SPSB4: variants seen among roughly 807,000 people sequenced by gnomAD.
SPSB4 encodes the protein splA/ryanodine receptor domain and SOCS box containing 4.
Under a neutral mutation model 20.9 loss-of-function variants are expected in SPSB4, and 21 were observed. The ratio of observed to expected loss-of-function variants is 1.01; its 90% confidence interval spans 0.71 to 1.45. The LOEUF (loss-of-function observed/expected upper bound fraction) is 1.45. Ranked by LOEUF, SPSB4 falls within the 40% of genes most tolerant of loss-of-function variation. SPSB4 has a pLI of 0.00. For missense variants in SPSB4, 399 were observed against 399.2 expected (o/e 1.00, Z 0.00); for synonymous variants, 207 against 183.8 (o/e 1.13, Z -1.02).
chr3:141,121,232 TA>T (rs1468220544), intron 2 of SPSB4, among the ~76,000 whole-genome samples: 1 of 152,234 alleles, frequency 6.6e-6, no homozygotes, highest in African/African-American at 2.4e-5. Context: ...GAATGTTGAA[TA>T]TTGCCCCTCA....
chr3:141,148,038 C>CTAT lies in SPSB4; in HGVS notation c.*769_*770insTAT, dbSNP rs1939446649. 6.6e-6 allele frequency: 1 copy of CTAT among 152,584 alleles called. No homozygotes were observed. The highest frequency in any genetic ancestry group is 1.5e-5 in the Non-Finnish European group (1 of 68,086). 9.5% of individuals were successfully genotyped at this position (152,584 alleles called of 1,614,324 possible). ...TTACCATTATTTTAAGTAGCATTTG[C>CTAT]ATTTTAAAAGAGGAATGCGGAGAGG... On this transcript the variant is annotated 3_prime_UTR_variant, in exon 3 of 3. Coordinates refer to ENST00000310546, the MANE Select transcript of SPSB4 (RefSeq NM_080862.3). This position sits in a 1 kb window ranked among gnomAD's most constrained non-coding sequence, Gnocchi z 4.5.
At chr3:141,088,124 C>T (rs1291342054) in intron 2 of SPSB4, among the ~76,000 whole-genome samples, 1 of 152,044 alleles carries the variant, frequency 6.6e-6, no homozygotes, top group Non-Finnish European at 1.5e-5. Context: ...CCTGAAACTC[C>T]GTCCCCCAGG....
intron 2 of SPSB4, among the ~76,000 whole-genome samples, chr3:141,085,066 G>GGCTCAAGGATGGGTT (rs1483989651): frequency 6.6e-6 from 1 of 152,188 alleles, no homozygotes; most frequent in African/African-American, 2.4e-5. Flanking sequence ...GCCGAGTCTT[G>GGCTCAAGGATGGGTT]GAGGATGGGT....
chr3:141,101,490 C>T (rs1938612075), intron 2 of SPSB4, among the ~76,000 whole-genome samples: 1 of 152,196 alleles, frequency 6.6e-6, no homozygotes, highest in Non-Finnish European at 1.5e-5. Context: ...CCCAGCTCTG[C>T]CCCAAGCTAG....
At chr3:141,102,904 G>C (rs1938633764) in intron 2 of SPSB4, among the ~76,000 whole-genome samples, 1 of 152,132 alleles carries the variant, frequency 6.6e-6, no homozygotes, top group African/African-American at 2.4e-5. Flanking sequence ...CCATGAGGAA[G>C]AGGCCACATC....
chr3:141,074,799 C>T (rs544457235), intron 2 of SPSB4, among the ~76,000 whole-genome samples: 23 of 152,198 alleles, frequency 1.5e-4, no homozygotes, highest in Admixed American at 1.2e-3. Context: ...TCCACCTCTG[C>T]GAAAATAGTG....
At chr3:141,065,593 G>A (rs6804474) in intron 1 of SPSB4, among the ~76,000 whole-genome samples, 44,370 of 152,164 alleles carry the variant, frequency 0.29, 9,690 homozygotes, top group African/African-American at 0.6. Context: ...TTCTAGGTCC[G>A]GAACACAGAC....
At chr3:141,084,062 G>C (rs1052464456) in intron 2 of SPSB4, among the ~76,000 whole-genome samples, 1 of 152,206 alleles carries the variant, frequency 6.6e-6, no homozygotes, top group Non-Finnish European at 1.5e-5. Context: ...GAGCGAGGTG[G>C]ATGAGGCCGC....
intron 2 of SPSB4, among the ~76,000 whole-genome samples, chr3:141,132,577 G>A (rs1003783674): frequency 2.0e-5 from 3 of 152,058 alleles, no homozygotes; most frequent in Admixed American, 1.3e-4. Context: ...ATAATGGTCT[G>A]CAACTTCATC....
chr3:141,106,355 C>T (rs1938690188), intron 2 of SPSB4, among the ~76,000 whole-genome samples: 1 of 152,156 alleles, frequency 6.6e-6, no homozygotes, highest in African/African-American at 2.4e-5. Flanking sequence ...AAGTGTGCAC[C>T]TTGGCCTGGC....
At chr3:141,123,666 C>A (rs184165495) in intron 2 of SPSB4, among the ~76,000 whole-genome samples, 1 of 152,352 alleles carries the variant, frequency 6.6e-6, no homozygotes, top group East Asian at 1.9e-4. Flanking sequence ...TGCAAGCACC[C>A]TTCTGCTTCC....
At chr3:141,083,030 C>T (rs1938269365) in intron 2 of SPSB4, among the ~76,000 whole-genome samples, 1 of 150,916 alleles carries the variant, frequency 6.6e-6, no homozygotes, top group Non-Finnish European at 1.5e-5. Flanking sequence ...CCTCCCCAGA[C>T]CATGATGAGC....
Position 141,134,581 on chromosome 3 carries a change from A to AT in SPSB4, c.695-12556dup, listed in dbSNP as rs552563218. Among the ~76,000 whole-genome samples, 718 of 152,052 alleles carry AT rather than the reference A, an allele frequency of 4.7e-3. 14 individuals are homozygous for AT. The highest frequency in any genetic ancestry group is 3.9e-3 in the Non-Finnish European group (266 of 67,966). ...CTGCATCTATTGACATGCTTATATG[A>AT]TTTTTGTTTTTAATTATGTTTATGT... On this transcript the variant is annotated intron_variant, in intron 2 of 2. Coordinates refer to ENST00000310546, the MANE Select transcript of SPSB4 (RefSeq NM_080862.3).
chr3:141,132,607 T>C (rs1939154358), intron 2 of SPSB4, among the ~76,000 whole-genome samples: 1 of 152,144 alleles, frequency 6.6e-6, no homozygotes, highest in African/African-American at 2.4e-5. Flanking sequence ...GTGAATGCCA[T>C]TATTTCATTC....
chr3:141,079,036 C>T (rs879800400), intron 2 of SPSB4, among the ~76,000 whole-genome samples: 10 of 152,020 alleles, frequency 6.6e-5, no homozygotes, highest in East Asian at 1.9e-4. Context: ...CCGAGGTGGG[C>T]GGATCACAAG....
intron 2 of SPSB4, among the ~76,000 whole-genome samples, chr3:141,143,178 T>C (rs1939365311): frequency 6.6e-6 from 1 of 152,196 alleles, no homozygotes; most frequent in Non-Finnish European, 1.5e-5. Flanking sequence ...TAAGAATCGC[T>C]ACTCTTGCTT....
In SPSB4 at chr3:141,066,605, C is replaced by T; in HGVS notation, c.501C>T (p.Pro167=). 1 of 1,585,836 alleles carries T rather than the reference C, an allele frequency of 6.3e-7. No homozygotes were observed. Among genetic ancestry groups the T allele is most frequent in the Non-Finnish European group, 8.6e-7 (1 of 1,166,410 alleles). Reference sequence around the variant, plus strand: ...TGGCCTACCCGGCCTTTCTGGGGCCCGACGAGGCCTTTGCGCTGCCCGACT... The same window carrying T: ...TGGCCTACCCGGCCTTTCTGGGGCCTGACGAGGCCTTTGCGCTGCCCGACT... The part of the protein sequence containing the change: ...PGVAYPAFLG[P]DEAFALPDSL... Residue 167 remains proline (P), a synonymous_variant, in exon 2 of 3, where the codon CCC becomes CCT. Transcript: ENST00000310546.
intron 2 of SPSB4, among the ~76,000 whole-genome samples, chr3:141,126,312 A>T (rs568127725): frequency 6.6e-6 from 1 of 152,266 alleles, no homozygotes; most frequent in East Asian, 1.9e-4. Context: ...CATTCACTGC[A>T]GCAGCCCAGG....
In SPSB4 at chr3:141,066,329, C is replaced by A; in HGVS notation, c.225C>A (p.Phe75Leu). Reference protein sequence around the residue: ...VFVKDDDRLTFHRHPVAQSTD... With the variant: ...VFVKDDDRLTLHRHPVAQSTD... ...TCAAGGACGACGACCGGCTCACCTT[C>A]CACCGGCACCCCGTGGCCCAGAGCA... Residue 75 changes from phenylalanine to leucine, a missense_variant, in exon 2 of 3, where the codon TTC becomes TTA. By Grantham distance (22) the Phe-to-Leu change is conservative (BLOSUM62 0). Transcript: ENST00000310546. 6.4e-7 allele frequency: 1 copy of A among 1,569,130 alleles called. No individual in the cohort carries two copies. The highest frequency in any genetic ancestry group is 2.4e-5 in the East Asian group (1 of 41,776).
Sources: allele counts gnomAD v4.1 joint callset (sites outside exome capture counted in the v4.1 genomes callset), GRCh38; gene constraint gnomAD v4.1.1; non-coding constraint Gnocchi (gnomAD v3.1); transcripts MANE v1.5; gene names NCBI Gene and HGNC (gene_info 2026-07-23, HGNC 2026-07-21).